PISD: variants seen among roughly 807,000 people sequenced by gnomAD.
PISD encodes the protein phosphatidylserine decarboxylase.
In PISD, 31 loss-of-function variants were observed where a neutral mutation model predicts 43.5. The ratio of observed to expected loss-of-function variants is 0.71; its 90% CI spans 0.54 to 0.96. The LOEUF (loss-of-function observed/expected upper bound fraction) is 0.96. PISD is among the 40% of genes least tolerant of loss of function. PISD has a pLI of 0.00. For synonymous variants in PISD, 259 were observed against 228.7 expected (o/e 1.13, Z -1.20); for missense variants, 523 against 548.4 (o/e 0.95, Z 0.46).
At chr22:31,647,344 T>C (rs2073914020) in intron 3 of PISD, among the ~76,000 whole-genome samples, 1 of 152,198 alleles carries the variant, frequency 6.6e-6, no homozygotes, top group Non-Finnish European at 1.5e-5. Context: ...TATGTCCTAT[T>C]AGAATAGATT....
intron 1 of PISD, among the ~76,000 whole-genome samples, chr22:31,652,748 C>A (rs920817741): frequency 1.3e-5 from 2 of 150,560 alleles, no homozygotes; most frequent in African/African-American, 4.9e-5. Flanking sequence ...ACAAACACCC[C>A]CCTTGCCAGG....
intron 7 of PISD, among the ~76,000 whole-genome samples, chr22:31,620,090 A>T (rs1355734618): frequency 6.6e-6 from 1 of 152,238 alleles, no homozygotes; most frequent in Non-Finnish European, 1.5e-5. Flanking sequence ...GTCTCCATGC[A>T]TGGTGCTGGG....
At chr22:31,644,677 A>G (rs772788136) in intron 3 of PISD, among the ~76,000 whole-genome samples, 2 of 152,220 alleles carry the variant, frequency 1.3e-5, no homozygotes, top group Non-Finnish European at 2.9e-5. Context: ...CAGCCATTCA[A>G]CACTCTCCCT....
intron 1 of PISD, among the ~76,000 whole-genome samples, chr22:31,653,108 T>TA (rs1569492854): frequency 6.7e-6 from 1 of 150,114 alleles, no homozygotes; most frequent in African/African-American, 2.5e-5. Context: ...ATGATGAATC[T>TA]GATTCTCCTA....
intron 3 of PISD, among the ~76,000 whole-genome samples, chr22:31,634,579 T>C (rs1420811474): frequency 1.3e-5 from 2 of 152,182 alleles, no homozygotes; most frequent in South Asian, 2.1e-4. Flanking sequence ...ACTTAGTGTC[T>C]GTAATCCCAG....
chr22:31,631,556 A>G (rs1255949750), intron 3 of PISD, among the ~76,000 whole-genome samples: 1 of 152,194 alleles, frequency 6.6e-6, no homozygotes, highest in African/African-American at 2.4e-5. Context: ...TAGGATGCAG[A>G]GCCCATGGGA....
At chr22:31,621,511 G>C in intron 4 of PISD, 39 bp from the exon 5 acceptor site, 1 of 1,612,736 alleles carries the variant, frequency 6.2e-7, no homozygotes, top group Admixed American at 1.7e-5. Flanking sequence ...GGGAGAGCAG[G>C]GTCTCCTCCC....
intron 3 of PISD, among the ~76,000 whole-genome samples, chr22:31,638,880 C>T (rs1294280620): frequency 1.4e-5 from 2 of 146,056 alleles, no homozygotes; most frequent in African/African-American, 5.2e-5. Flanking sequence ...AGTGCAATGG[C>T]GCAGTTTCAG....
At chr22:31,619,860 G>A in intron 7 of PISD, 24 bp from the exon 8 acceptor site, 2 of 1,532,774 alleles carry the variant, frequency 1.3e-6, no homozygotes, top group Non-Finnish European at 1.8e-6. Flanking sequence ...CTGGGGGTCA[G>A]TGGGGCCCAG....
chr22:31,625,457 A>G (rs2147653678), intron 3 of PISD: 1 of 510,772 alleles, frequency 2.0e-6, no homozygotes, highest in Non-Finnish European at 3.5e-6. Context: ...TGCAGAGGCA[A>G]GGGTCTGGGC....
At chr22:31,654,888 C>G (rs1195893530) in intron 1 of PISD, among the ~76,000 whole-genome samples, 2 of 151,976 alleles carry the variant, frequency 1.3e-5, no homozygotes, top group Non-Finnish European at 2.9e-5. Context: ...CCAGCCTGGG[C>G]AACACGGTAA....
intron 3 of PISD, chr22:31,628,142 C>A: frequency 4.1e-6 from 4 of 985,672 alleles, no homozygotes; most frequent in Non-Finnish European, 4.8e-6. Flanking sequence ...CCCAGAAGAT[C>A]GCCAGGGAGG....
chr22:31,640,880 G>GTTGTTTTTTT (rs1487978537), intron 3 of PISD, among the ~76,000 whole-genome samples: 9 of 24,594 alleles, frequency 3.7e-4, no homozygotes, highest in Admixed American at 8.5e-4. Context: ...CACACCCGGT[G>GTTGTTTTTTT]TTTTTTTTTT....
At chr22:31,623,641 C>CA in intron 3 of PISD, 1 of 1,573,760 alleles carries the variant, frequency 6.4e-7, no homozygotes, top group Non-Finnish European at 8.6e-7. Context: ...CTCAGGCCTG[C>CA]CCGGAAGGGA....
upstream of PISD, chr22:31,662,326 G>T: frequency 9.7e-7 from 1 of 1,029,590 alleles, no homozygotes; most frequent in Non-Finnish European, 1.5e-6. Flanking sequence ...GGGCGGAGCC[G>T]ACTAAGCTCC....
chr22:31,650,899 C>T (rs1203082078), intron 1 of PISD, 121 bp from the exon 2 acceptor site: 1 of 603,400 alleles, frequency 1.7e-6, no homozygotes, highest in Non-Finnish European at 2.9e-6. Context: ...TTGGTTTTGA[C>T]AACTGTACTG....
chr22:31,635,049 C>G (rs1437047994), intron 3 of PISD, among the ~76,000 whole-genome samples: 3 of 151,904 alleles, frequency 2.0e-5, no homozygotes, highest in Non-Finnish European at 4.4e-5. Flanking sequence ...ACGTGTAATC[C>G]CAGCTACTCA....
In PISD at chr22:31,621,859, C is replaced by T. The variant is rs749735784; in HGVS notation, c.348G>A (p.Thr116=). ...WEVALYKSVP[T]RLLSRAWGRL... is the part of the protein sequence containing the mutation. ...GACCCCAGGCCCGTGACAGCAAGCG[C>T]GTTGGCACTGACTTGTACAAAGCCA... The change falls in exon 4 of 8, where the codon ACG becomes ACA. Residue 116 remains threonine (T), a synonymous_variant. Coordinates refer to ENST00000439502, the MANE Select transcript of PISD (RefSeq NM_001326411.2). 106 of 1,610,024 alleles carry T rather than the reference C, an allele frequency of 6.6e-5. No individual in the cohort carries two copies. The highest frequency in any genetic ancestry group is 8.6e-5 in the Non-Finnish European group (102 of 1,180,002).
chr22:31,661,756 T>G (rs1418653243), intron 1 of PISD, among the ~76,000 whole-genome samples: 1 of 151,976 alleles, frequency 6.6e-6, no homozygotes, highest in East Asian at 1.9e-4. Context: ...GAAATGAAAG[T>G]TGCCTGACAC....
Sources: gnomAD v4.1 joint callset for allele counts (sites outside exome capture counted in the v4.1 genomes callset) on GRCh38, gnomAD v4.1.1 for gene constraint, MANE v1.5 for transcripts, NCBI Gene and HGNC (gene_info 2026-07-23, HGNC 2026-07-21) for gene names.